ZNF184: variants seen among roughly 807,000 people sequenced by gnomAD.
ZNF184 encodes zinc finger protein 184, also known as zinc finger protein 184 (Kruppel-like).
Under a neutral mutation model 54.4 loss-of-function variants are expected in ZNF184, and 16 were observed. That is an observed-to-expected ratio of 0.29 (90% CI 0.20 to 0.45). The LOEUF (loss-of-function observed/expected upper bound fraction) is 0.45, where lower values mean the gene tolerates loss of function less well. Ranked by LOEUF, ZNF184 falls within the 20% of genes least tolerant of loss-of-function variation. The pLI is 1.00. For missense variants in ZNF184, 681 were observed against 888.2 expected (o/e 0.77, Z 2.97); for synonymous variants, 254 against 295.3 (o/e 0.86, Z 1.43).
At chr6:27,441,004 C>CA in the ZNF184 span, among the ~76,000 whole-genome samples, 2 of 150,096 alleles carry the variant, frequency 1.3e-5, no homozygotes, top group Non-Finnish European at 3.0e-5. Flanking sequence ...GACTCTGTCT[C>CA]AAAAAAATAA....
At chr6:27,424,900 G>C in the ZNF184 span, among the ~76,000 whole-genome samples, 1 of 152,172 alleles carries the variant, frequency 6.6e-6, no homozygotes, top group African/African-American at 2.4e-5. Flanking sequence ...GGGGAGGCTC[G>C]GGCGGCACAG....
the ZNF184 span, among the ~76,000 whole-genome samples, chr6:27,422,145 A>AG: frequency 1.9e-5 from 1 of 51,874 alleles, no homozygotes; most frequent in East Asian, 4.4e-4. Flanking sequence ...TACCTCAAAA[A>AG]AAAAAAGAAA....
At chr6:27,408,710 G>A in the ZNF184 span, among the ~76,000 whole-genome samples, 17 of 152,046 alleles carry the variant, frequency 1.1e-4, no homozygotes, top group Non-Finnish European at 1.6e-4. Flanking sequence ...CTTTTCTGTC[G>A]TCTTCAACCT....
chr6:27,452,642 T>C lies in ZNF184; in HGVS notation c.917A>G (p.Tyr306Cys), dbSNP rs1260359114. 6.2e-7 allele frequency: 1 copy of C among 1,613,736 alleles called. No individual in the cohort carries two copies. The highest frequency in any genetic ancestry group is 1.7e-5 in the Admixed American group (1 of 59,962). The change falls in exon 6 of 6, where the codon TAT (tyrosine) becomes TGT (cysteine). Residue 306 changes from tyrosine (Y) to cysteine (C), a missense_variant. Coordinates refer to ENST00000683788, the MANE Select transcript of ZNF184 (RefSeq NM_001318891.2). This position sits in a 1 kb window ranked among gnomAD's most constrained non-coding sequence, Gnocchi z 5.5. The part of the protein sequence containing the change: ...HQRIHTGEKP[Y>C]KCDECGKAFS... The stretch of plus-strand genomic sequence containing the variant: ...GGCTTTCCCACATTCATCACATTTA[T>C]ATGGTTTTTCTCCAGTATGAATTCT...
rs774583469 is a variant in ZNF184, at chr6:27,453,129, A to G, written c.430T>C (p.Trp144Arg). The change falls in exon 6 of 6, where the codon TGG (tryptophan) becomes CGG (arginine). Residue 144 changes from tryptophan (W) to arginine (R), a missense_variant. By Grantham distance (101) the Trp-to-Arg change is moderately radical. Transcript: ENST00000683788. The surrounding 1 kb of genome is among the most constrained non-coding windows in gnomAD (Gnocchi z 4.7). The part of the protein sequence containing the change: ...DSWSSNLLES[W>R]EYEGSLERQQ... ...CTCTCTAAACTGCCTTCATATTCCC[A>G]ACTTTCTAGCAAGTTGGAACTCCAA... 5 of 1,614,038 alleles carry G rather than the reference A, an allele frequency of 3.1e-6. No homozygotes were observed. In the South Asian group the frequency reaches 5.5e-5, roughly 18 times the overall value.
the ZNF184 span, among the ~76,000 whole-genome samples, chr6:27,445,721 C>CAAAATAAAAA: frequency 7.7e-6 from 1 of 129,222 alleles, no homozygotes; most frequent in Non-Finnish European, 1.6e-5. Flanking sequence ...TCTGTTATAG[C>CAAAATAAAAA]AAAAAAAAAA....
chr6:27,459,861 T>C (rs1390475642), intron 3 of ZNF184, among the ~76,000 whole-genome samples: 1 of 152,178 alleles, frequency 6.6e-6, no homozygotes, highest in Non-Finnish European at 1.5e-5. Context: ...ACGTACTCAT[T>C]AGAAAATATG....
At chr6:27,422,711 G>C in the ZNF184 span, among the ~76,000 whole-genome samples, 1 of 152,102 alleles carries the variant, frequency 6.6e-6, no homozygotes, top group Non-Finnish European at 1.5e-5. Flanking sequence ...CTGTTTCCCA[G>C]AGGCAAATCA....
chr6:27,408,334 TTAAAAG>T, the ZNF184 span, among the ~76,000 whole-genome samples: 21 of 152,336 alleles, frequency 1.4e-4, no homozygotes, highest in South Asian at 3.7e-3. Context: ...TCATGTTACC[TTAAAAG>T]TAAAACAACA....
At chr6:27,454,501 G>A (rs764129258) in intron 5 of ZNF184, among the ~76,000 whole-genome samples, 7 of 152,202 alleles carry the variant, frequency 4.6e-5, no homozygotes, top group African/African-American at 9.6e-5. Flanking sequence ...ACCAAGGAAG[G>A]TATGTTTGCA....
the ZNF184 span, among the ~76,000 whole-genome samples, chr6:27,413,522 G>A: frequency 6.6e-6 from 1 of 152,020 alleles, no homozygotes; most frequent in Non-Finnish European, 1.5e-5. Context: ...TCATTGTTCA[G>A]GTTTAACAGC....
chr6:27,460,994 ACT>A (rs1762980390), intron 3 of ZNF184, among the ~76,000 whole-genome samples: 1 of 152,206 alleles, frequency 6.6e-6, no homozygotes, highest in East Asian at 1.9e-4. Flanking sequence ...GTGCCTAGTC[ACT>A]GATTAATGAC....
rs1762791834 is a variant in ZNF184 at position 27,453,811 on chromosome 6, A to C, written c.299-551T>G. Among the ~76,000 whole-genome samples, 1 of 152,230 alleles carries C rather than the reference A, an allele frequency of 6.6e-6. No homozygotes were observed. The highest frequency in any genetic ancestry group is 2.1e-4 in the South Asian group (1 of 4,832). On this transcript the variant is annotated intron_variant, in intron 5 of 5. Transcript: ENST00000683788. The surrounding 1 kb of genome is among the most constrained non-coding windows in gnomAD (Gnocchi z 4.7). ...AACAAGTTCAAGTCTAGGCATTTTG[A>C]GAATTAAGAAAAGAAATGGAGAGCT...
chr6:27,444,792 A>T, the ZNF184 span, among the ~76,000 whole-genome samples: 1 of 152,054 alleles, frequency 6.6e-6, no homozygotes, highest in East Asian at 1.9e-4. Context: ...TTACTACCTC[A>T]CATGCTGCCT....
At chr6:27,408,605 A>G in the ZNF184 span, among the ~76,000 whole-genome samples, 3 of 152,214 alleles carry the variant, frequency 2.0e-5, no homozygotes, top group African/African-American at 7.2e-5. Context: ...GCCCTCTAGC[A>G]TTTTGGAAAT....
At chr6:27,444,472 T>C in the ZNF184 span, among the ~76,000 whole-genome samples, 2 of 152,128 alleles carry the variant, frequency 1.3e-5, no homozygotes, top group South Asian at 2.1e-4. Flanking sequence ...TACTATAACA[T>C]TGAATATTTA....
intron 3 of ZNF184, among the ~76,000 whole-genome samples, chr6:27,465,314 C>G (rs973260770): frequency 6.6e-6 from 1 of 150,932 alleles, no homozygotes; most frequent in African/African-American, 2.4e-5. Context: ...GAAACCCTGT[C>G]TCGACTAAAA....
At chr6:27,425,865 C>T in the ZNF184 span, among the ~76,000 whole-genome samples, 4 of 152,182 alleles carry the variant, frequency 2.6e-5, no homozygotes, top group Non-Finnish European at 5.9e-5. Flanking sequence ...TTTCTATCTT[C>T]GGGCTGTCTC....
the ZNF184 span, among the ~76,000 whole-genome samples, chr6:27,434,239 G>A: frequency 6.6e-6 from 1 of 152,084 alleles, no homozygotes; most frequent in African/African-American, 2.4e-5. Flanking sequence ...TAACTTTTTT[G>A]AGGAACTACT....
Sources: allele counts gnomAD v4.1 joint callset (sites outside exome capture counted in the v4.1 genomes callset), GRCh38; gene constraint gnomAD v4.1.1; non-coding constraint Gnocchi (gnomAD v3.1); transcripts MANE v1.5; gene names NCBI Gene and HGNC (gene_info 2026-07-23, HGNC 2026-07-21).